Variants in USP39 observed in about 807,000 individuals in gnomAD.
The protein encoded by USP39 is ubiquitin specific peptidase 39.
A neutral mutation model predicts 66.4 loss-of-function variants in USP39; 38 were observed. That is an observed-to-expected ratio of 0.57 (90% CI 0.44 to 0.75). USP39 has a LOEUF of 0.75. USP39 is among the 30% of genes least tolerant of loss of function. The pLI is 0.00. For synonymous variants in USP39, 303 were observed against 274.6 expected, an observed-to-expected ratio of 1.10 and a Z score of -1.02; for missense variants, 608 against 714.4, an observed-to-expected ratio of 0.85 and a Z score of 1.70.
chr2:85,616,545 CA>C lies in USP39; in HGVS notation c.268+83del, dbSNP rs1419153244. On this transcript the variant is annotated intron_variant, in intron 1 of 12. Coordinates refer to ENST00000323701, the MANE Select transcript of USP39 (RefSeq NM_006590.4). ...TCTTGTCTCTAATCTTCCGCTAGGT[CA>C]CTGCGCCGGAGTTGGGGGAGGGGTG... The C allele has an allele frequency of 2.5e-6, 3 of 1,186,674 alleles. No individual in the cohort carries two copies. In the Admixed American group the frequency reaches 1.3e-4, roughly 51 times the overall value. 73.5% of individuals were successfully genotyped at this position (1,186,674 alleles called of 1,614,324 possible). A position where few individuals can be genotyped will look rare whatever the true frequency, so the allele number is the denominator to read the frequency against.
chr2:85,630,140 C>T (rs1189591696), intron 5 of USP39, among the ~76,000 whole-genome samples: 4 of 151,854 alleles, frequency 2.6e-5, no homozygotes, highest in African/African-American at 9.7e-5. Flanking sequence ...CCCCCAAGTC[C>T]CCAAAGATCA....
intron 1 of USP39, among the ~76,000 whole-genome samples, chr2:85,603,922 G>C (rs999099652): frequency 6.6e-6 from 1 of 152,178 alleles, no homozygotes; most frequent in Non-Finnish European, 1.5e-5. Flanking sequence ...TGCAAGGGTG[G>C]AAATACTTTC....
intron 1 of USP39, among the ~76,000 whole-genome samples, chr2:85,617,884 T>G (rs1227416822): frequency 1.3e-5 from 2 of 152,174 alleles, no homozygotes; most frequent in East Asian, 3.9e-4. Flanking sequence ...ACTTGTTAGC[T>G]TGCGAGTAGG....
At position 85,633,831 on chromosome 2, in the gene USP39, C is replaced by CTTTT. The variant is rs35970499; in HGVS notation, c.950-2201_950-2198dup. ...ACTTAGAGGGGACGTCGAGTAGTGGCTTTTTTTTTTTTTTTTTTTTTTTTG... is the reference window on the plus strand; with the variant it reads ...ACTTAGAGGGGACGTCGAGTAGTGGCTTTTTTTTTTTTTTTTTTTTTTTTTTTTG... On this transcript the variant is annotated intron_variant, in intron 6 of 12. Transcript: ENST00000323701. Among the ~76,000 whole-genome samples the CTTTT allele has an allele frequency of 4.8e-4, 38 of 78,990 alleles. 1 individual carries two copies. The highest frequency in any genetic ancestry group is 5.6e-4 in the Non-Finnish European group (24 of 42,694). 51.8% of individuals were successfully genotyped at this position (78,990 alleles called of 152,430 possible).
chr2:85,648,244 A>G (rs1676796182), intron 12 of USP39, among the ~76,000 whole-genome samples: 1 of 152,208 alleles, frequency 6.6e-6, no homozygotes. Context: ...ATGAGTGAGC[A>G]AAGAAAGTTG....
In USP39 at chr2:85,616,435, G is replaced by C. The variant is rs779152840; in HGVS notation, c.240G>C (p.Glu80Asp). The change falls in exon 1 of 13, where the codon GAG (glutamate) becomes GAC (aspartate). Residue 80 changes from glutamate (E) to aspartate (D), a missense_variant. By Grantham distance (45) the Glu-to-Asp change is conservative (BLOSUM62 2). Around this residue, in one of 6 missense-constraint regions of USP39, gnomAD observed 207 missense variants for 145.7 expected, o/e 1.42. Transcript: ENST00000323701. ...VRVKREREVDEDSEPEREVRA... is the reference protein window; with the variant it reads ...VRVKREREVDDDSEPEREVRA... ...TGAAGCGGGAGCGCGAGGTCGATGA[G>C]GACTCGGAGCCTGAGCGGGAGGTGC... 2 of 1,580,832 alleles carry C rather than the reference G, an allele frequency of 1.3e-6. No individual in the cohort carries two copies. Among genetic ancestry groups the C allele is most frequent in the East Asian group, 2.3e-5 (1 of 43,298 alleles).
At chr2:85,612,335 G>T, upstream of USP39, 1 of 1,536,098 alleles carries the variant, frequency 6.5e-7, no homozygotes, top group Non-Finnish European at 8.7e-7. Flanking sequence ...GATGCTTACG[G>T]CGGTGCCTTC....
Position 85,649,018 on chromosome 2 carries a change from T to G in USP39, c.*210T>G. On this transcript the variant is annotated 3_prime_UTR_variant, in exon 13 of 13. Transcript: ENST00000323701. ...TGTTCTTTGATCATTTTTTTCTAGA[T>G]TGATGCTCCTTTCTCCCATGCATTG... 1.6e-6 allele frequency: 1 copy of G among 614,048 alleles called. No homozygotes were observed. The highest frequency in any genetic ancestry group is 2.9e-6 in the Non-Finnish European group (1 of 342,874). The allele number at this position is 614,048 out of a possible 1,614,324, so 38.0% of individuals were successfully genotyped here. A position where few individuals can be genotyped will look rare whatever the true frequency, so the allele number is the denominator to read the frequency against.
In USP39 at chr2:85,636,112, A is replaced by C; in HGVS notation, c.1009A>C (p.Thr337Pro). ...LNALHSALGGTKKKKKTIVTD... is the reference protein window; with the variant it reads ...LNALHSALGGPKKKKKTIVTD... ...TGCTCTGCACTCAGCTCTGGGGGGC[A>C]CAAAGAAGAAAAAGAAGAGTAAGTC... Residue 337 changes from threonine (T) to proline (P), a missense_variant, in exon 7 of 13, where the codon ACA (threonine) becomes CCA (proline). Transcript: ENST00000323701. 6.2e-7 allele frequency: 1 copy of C among 1,613,870 alleles called. No individual in the cohort carries two copies. Among genetic ancestry groups the C allele is most frequent in the South Asian group, 1.1e-5 (1 of 91,024 alleles).
chr2:85,646,374 A>G (rs1676648765), intron 11 of USP39, among the ~76,000 whole-genome samples: 1 of 152,248 alleles, frequency 6.6e-6, no homozygotes, highest in Non-Finnish European at 1.5e-5. Flanking sequence ...GCAGTACGCC[A>G]GTTACTTAAT....
At chr2:85,611,821 G>C, upstream of USP39, 3 of 1,607,272 alleles carry the variant, frequency 1.9e-6, no homozygotes, top group Non-Finnish European at 2.5e-6. Context: ...GGGACTGTCG[G>C]GCCGGGCCAG....
At chr2:85,644,853 G>T in intron 10 of USP39, 95 bp from the exon 11 acceptor site, 2 of 1,537,574 alleles carry the variant, frequency 1.3e-6, no homozygotes, top group Non-Finnish European at 1.8e-6. Context: ...TCCTAAAATA[G>T]GGCTGAACAA....
chr2:85,616,523 T>G, intron 1 of USP39, 60 bp downstream of exon 1: 1 of 1,241,676 alleles, frequency 8.1e-7, no homozygotes, highest in Non-Finnish European at 1.0e-6. Flanking sequence ...CCTTTTTTCT[T>G]GTCTCTAATC....
intron 1 of USP39, among the ~76,000 whole-genome samples, chr2:85,618,371 G>A (rs1033549187): frequency 7.9e-5 from 12 of 151,864 alleles, no homozygotes; most frequent in African/African-American, 2.9e-4. Context: ...AGACCAGCCT[G>A]GCCAACATGG....
At chr2:85,617,290 T>C (rs1468396020) in intron 1 of USP39, among the ~76,000 whole-genome samples, 1 of 152,186 alleles carries the variant, frequency 6.6e-6, no homozygotes, top group Non-Finnish European at 1.5e-5. Flanking sequence ...TTGTAATTTC[T>C]GTAATCAAGA....
Position 85,649,221 on chromosome 2 carries a change from G to A in USP39, c.*413G>A, listed in dbSNP as rs575288098. 6.1e-6 allele frequency: 1 copy of A among 164,206 alleles called. No homozygotes were observed. The highest frequency in any genetic ancestry group is 6.4e-5 in the Admixed American group (1 of 15,630). The allele number at this position is 164,206 out of a possible 1,614,324, so 10.2% of individuals were successfully genotyped here. On this transcript the variant is annotated 3_prime_UTR_variant, in exon 13 of 13. Coordinates refer to ENST00000323701, the MANE Select transcript of USP39 (RefSeq NM_006590.4). ...TGTTAGAGGTGGAGGATTTTCCTAT[G>A]GTTCCCCCCATTTCCTGATTTGTAT...
At chr2:85,608,129 T>C (rs1673285548), upstream of USP39, 1 of 152,190 alleles carries the variant, frequency 6.6e-6, no homozygotes, top group South Asian at 2.1e-4. Context: ...AGGAATCAAG[T>C]TGAAAGTTGG....
upstream of USP39, among the ~76,000 whole-genome samples, chr2:85,609,832 C>T (rs1419453257): frequency 1.3e-5 from 2 of 151,956 alleles, no homozygotes; most frequent in African/African-American, 4.8e-5. Context: ...AGGCAAGTGC[C>T]ACCACATCCA....
At chr2:85,612,808 G>A (rs917828331), upstream of USP39, among the ~76,000 whole-genome samples, 9 of 151,916 alleles carry the variant, frequency 5.9e-5, no homozygotes, top group Non-Finnish European at 1.0e-4. Flanking sequence ...CTACATGCGC[G>A]TGCCACCACG....
Sources: gnomAD v4.1 joint callset for allele counts (sites outside exome capture counted in the v4.1 genomes callset) on GRCh38, gnomAD v4.1.1 for gene constraint, gnomAD v4.1.1 regional missense constraint, MANE v1.5 for transcripts, NCBI Gene and HGNC (gene_info 2026-07-23, HGNC 2026-07-21) for gene names.